Variants in TRPM2 observed in about 807,000 individuals in gnomAD.
The protein encoded by TRPM2 is transient receptor potential cation channel subfamily M member 2, also known as estrogen-responsive element-associated gene 1 protein.
A neutral mutation model predicts 174.0 loss-of-function variants in TRPM2; 161 were observed. The observed-to-expected ratio is 0.93, with a 90% CI of 0.81 to 1.05. TRPM2 has a LOEUF of 1.05. Ranked by LOEUF, TRPM2 falls within the 50% of genes least tolerant of loss-of-function variation. The probability of loss-of-function intolerance (pLI) is 0.00; values close to 1 mark genes in which losing one functional copy is unlikely to be tolerated. For missense variants in TRPM2, 2,057 were observed against 2,038.0 expected, an observed-to-expected ratio of 1.01 and a Z score of -0.18; for synonymous variants, 954 against 861.3, an observed-to-expected ratio of 1.11 and a Z score of -1.88.
rs746713321 is a variant in TRPM2 at position 44,425,838 on chromosome 21, G to T, written c.3795+11G>T. ...AAGGTGCCCTGGGAGGTGAGCGCCT[G>T]CCCAAGCCCAACCAGGCGGAGTGGC... On this transcript the variant is annotated intron_variant, in intron 25 of 31. Transcript: ENST00000397928. 1.9e-6 allele frequency: 3 copies of T among 1,551,880 alleles called. No homozygotes were observed. In the Admixed American group the frequency reaches 5.4e-5, roughly 28 times the overall value.
chr21:44,415,326 T>C (rs112561093), intron 20 of TRPM2: 42 of 152,228 alleles, frequency 2.8e-4, no homozygotes, highest in African/African-American at 9.4e-4. Flanking sequence ...AAGTGGAGGA[T>C]CCTGAGGTGG....
chr21:44,399,204 G>T lies in TRPM2; in HGVS notation c.2063-92G>T. On this transcript the variant is annotated intron_variant, in intron 13 of 31. Transcript: ENST00000397928. The surrounding 1 kb of genome is among the most constrained non-coding windows in gnomAD (Gnocchi z 4.6). ...CCTGTGCCCTTCCCTGTGTCCTGGTGGTGCTGTCCCGAGTGGTTGCCCTCT... is the reference window on the plus strand; with the variant it reads ...CCTGTGCCCTTCCCTGTGTCCTGGTTGTGCTGTCCCGAGTGGTTGCCCTCT... 6.8e-7 allele frequency: 1 copy of T among 1,471,968 alleles called. No homozygotes were observed. 91.2% of individuals were successfully genotyped at this position (1,471,968 alleles called of 1,614,324 possible).
At chr21:44,372,852 T>A (rs962773490) in intron 5 of TRPM2, among the ~76,000 whole-genome samples, 1 of 152,204 alleles carries the variant, frequency 6.6e-6, no homozygotes, top group African/African-American at 2.4e-5. Context: ...TCCACGGCCC[T>A]GCCTTCAGGA....
chr21:44,381,104 C>T (rs563402847), intron 8 of TRPM2, among the ~76,000 whole-genome samples: 3 of 151,918 alleles, frequency 2.0e-5, no homozygotes, highest in Non-Finnish European at 4.4e-5. Context: ...GGATGGGGCA[C>T]CGTTGGGGTC....
At position 44,435,197 on chromosome 21, in the gene TRPM2, G is replaced by A. The variant is rs759827794; in HGVS notation, c.4041G>A (p.Thr1347=). The stretch of plus-strand genomic sequence containing the variant: ...TCAGCTGCTTCGGACCCAACCACAC[G>A]CTGTACCCCATGGTCACGCGGTGAG... ...GSLSCFGPNH[T]LYPMVTRWRR... Residue 1347 remains threonine (T), a synonymous_variant, in exon 28 of 32, where the codon ACG becomes ACA. Coordinates refer to ENST00000397928, the MANE Select transcript of TRPM2 (RefSeq NM_003307.4). 13 of 1,613,296 alleles carry A rather than the reference G, an allele frequency of 8.1e-6. No homozygotes were observed. Among genetic ancestry groups the A allele is most frequent in the South Asian group, 1.1e-5 (1 of 91,072 alleles).
In TRPM2 at chr21:44,423,786, G is replaced by T. The variant is rs71322564; in HGVS notation, c.3549+54G>T. On this transcript the variant is annotated intron_variant, in intron 23 of 31. Coordinates refer to ENST00000397928, the MANE Select transcript of TRPM2 (RefSeq NM_003307.4). ...GAGGTGCCACTGCTGGGCCTGGTGG[G>T]CGGCTCTGCCATGTGGTGGCACCAA... 3 of 1,455,950 alleles carry T rather than the reference G, an allele frequency of 2.1e-6. No individual in the cohort carries two copies. The African/African-American group carries it at 4.2e-5, about 20-fold the overall frequency. 90.2% of individuals were successfully genotyped at this position (1,455,950 alleles called of 1,614,324 possible).
intron 11 of TRPM2, among the ~76,000 whole-genome samples, chr21:44,394,325 T>C (rs1299550869): frequency 1.4e-5 from 2 of 147,940 alleles, no homozygotes; most frequent in African/African-American, 5.0e-5. Context: ...TTCTTTTTTT[T>C]TTTTTTTTTT....
chr21:44,407,045 C>T (rs1387716596), intron 19 of TRPM2, among the ~76,000 whole-genome samples: 5 of 149,308 alleles, frequency 3.3e-5, no homozygotes, highest in African/African-American at 1.2e-4. Flanking sequence ...GCTGACAGCC[C>T]CCTGAAATGG....
intron 16 of TRPM2, among the ~76,000 whole-genome samples, chr21:44,402,772 C>T (rs76962290): frequency 0.021 from 3,199 of 152,298 alleles, 48 homozygotes; most frequent in Non-Finnish European, 0.033. Flanking sequence ...TGTGCCCCCA[C>T]GGTGCCTGCA....
rs777601205 is a variant in TRPM2, at chr21:44,401,894, G to A, written c.2535G>A (p.Arg845=). 6.2e-7 allele frequency: 1 copy of A among 1,613,514 alleles called. No individual in the cohort carries two copies. The highest frequency in any genetic ancestry group is 8.5e-7 in the Non-Finnish European group (1 of 1,179,992). The change falls in exon 16 of 32, where the codon CGG becomes CGA. Residue 845 remains arginine (R), a synonymous_variant. Transcript: ENST00000397928. ...WLFSLVCEEM[R]QLFYDPDECG... is the part of the protein sequence containing the mutation. ...TCTCCTTGGTGTGCGAGGAGATGCG[G>A]CAGGTACAGCCCCACCCGCTTTTCC...
upstream of TRPM2, among the ~76,000 whole-genome samples, chr21:44,352,621 C>G (rs1482509629): frequency 6.6e-6 from 1 of 152,140 alleles, no homozygotes; most frequent in Non-Finnish European, 1.5e-5. Context: ...GGGGCAGTGG[C>G]AGGGGATGAC....
chr21:44,352,523 G>A (rs2123002009), upstream of TRPM2, among the ~76,000 whole-genome samples: 2 of 152,206 alleles, frequency 1.3e-5, no homozygotes, highest in Admixed American at 6.5e-5. Flanking sequence ...TGGAGAGGAC[G>A]TGGCCAGAGA....
chr21:44,405,292 C>T (rs758868606), intron 17 of TRPM2, 32 bp downstream of exon 17: 1 of 1,609,450 alleles, frequency 6.2e-7, no homozygotes, highest in Non-Finnish European at 8.5e-7. Flanking sequence ...GCGGGCCCGT[C>T]TGAGGCAGCC....
At chr21:44,407,984 G>A (rs1447910056) in intron 19 of TRPM2, among the ~76,000 whole-genome samples, 1 of 151,288 alleles carries the variant, frequency 6.6e-6, no homozygotes, top group African/African-American at 2.4e-5. Flanking sequence ...TCCCGAGAGG[G>A]AGTCAGGCCA....
At chr21:44,421,568 C>T (rs1039710756) in intron 22 of TRPM2, among the ~76,000 whole-genome samples, 1 of 151,900 alleles carries the variant, frequency 6.6e-6, no homozygotes, top group African/African-American at 2.4e-5. Context: ...CCCAGGAGTT[C>T]AAGACCAACC....
At chr21:44,398,325 C>T (rs1056737992) in intron 13 of TRPM2, among the ~76,000 whole-genome samples, 10 of 151,990 alleles carry the variant, frequency 6.6e-5, no homozygotes, top group African/African-American at 9.7e-5. Context: ...CTCAGCCTCC[C>T]GAGTAGCTGG....
intron 20 of TRPM2, among the ~76,000 whole-genome samples, chr21:44,416,923 C>T (rs1339926628): frequency 7.9e-5 from 10 of 125,888 alleles, no homozygotes; most frequent in African/African-American, 3.1e-4. Context: ...TGCACGTGGG[C>T]GTGGCTCTGC....
chr21:44,419,212 G>A lies in TRPM2; in HGVS notation c.3461+657G>A, dbSNP rs551534884. On this transcript the variant is annotated intron_variant, in intron 22 of 31. Coordinates refer to ENST00000397928, the MANE Select transcript of TRPM2 (RefSeq NM_003307.4). ...AGAGGAGGAGGGGGAAATGGACACG[G>A]TGCCACCTAGTTATGGCCGTGTGGA... is the stretch of plus-strand genomic sequence containing the variant. Among the ~76,000 whole-genome samples, 6 of 152,284 alleles carry A rather than the reference G, an allele frequency of 3.9e-5. No individual in the cohort carries two copies. In the South Asian group the frequency reaches 1.2e-3, roughly 32 times the overall value.
In TRPM2 at chr21:44,399,011, A is replaced by G. The variant is rs1301501729; in HGVS notation, c.2063-285A>G. On this transcript the variant is annotated intron_variant, in intron 13 of 31. Coordinates refer to ENST00000397928, the MANE Select transcript of TRPM2 (RefSeq NM_003307.4). This position sits in a 1 kb window ranked among gnomAD's most constrained non-coding sequence, Gnocchi z 4.6. ...CCTATGCCCAGGAATGGACAAGGGC[A>G]GCTTGGAGGTTAGAGGCAAGATGGA... Among the ~76,000 whole-genome samples, 1 of 152,154 alleles carries G rather than the reference A, an allele frequency of 6.6e-6. No individual in the cohort carries two copies. The highest frequency in any genetic ancestry group is 1.5e-5 in the Non-Finnish European group (1 of 68,028).
Sources: allele counts gnomAD v4.1 joint callset (sites outside exome capture counted in the v4.1 genomes callset), GRCh38; gene constraint gnomAD v4.1.1; non-coding constraint Gnocchi (gnomAD v3.1); transcripts MANE v1.5; gene names NCBI Gene and HGNC (gene_info 2026-07-23, HGNC 2026-07-21).